Variants in ANO10 observed in about 807,000 individuals in gnomAD.
ANO10 encodes the protein anoctamin 10.
Under a neutral mutation model 74.7 loss-of-function variants are expected in ANO10, and 77 were observed. The observed-to-expected ratio is 1.03, with a 90% confidence interval of 0.86 to 1.25. The LOEUF (loss-of-function observed/expected upper bound fraction) is 1.25. Ranked by LOEUF, ANO10 falls within the 50% of genes most tolerant of loss-of-function variation. The pLI is 0.00. For synonymous variants in ANO10, 279 were observed against 284.9 expected (o/e 0.98, Z 0.21); for missense variants, 721 against 778.1 (o/e 0.93, Z 0.87).
intron 1 of ANO10, among the ~76,000 whole-genome samples, chr3:43,684,850 A>G (rs1209361490): frequency 1.3e-5 from 2 of 152,144 alleles, no homozygotes; most frequent in African/African-American, 4.8e-5. Flanking sequence ...CAAACACCGC[A>G]TGTTCTCACT....
chr3:43,558,022 T>C (rs1363536715), intron 9 of ANO10, among the ~76,000 whole-genome samples: 1 of 151,060 alleles, frequency 6.6e-6, no homozygotes, highest in African/African-American at 2.4e-5. Context: ...GAAGGATCGC[T>C]TGAGCCTGGG....
chr3:43,581,459 T>C (rs1332040207), intron 4 of ANO10, among the ~76,000 whole-genome samples: 1 of 152,224 alleles, frequency 6.6e-6, no homozygotes, highest in South Asian at 2.1e-4. Flanking sequence ...CAGTAATTAC[T>C]TAGAATGACT....
intron 1 of ANO10, among the ~76,000 whole-genome samples, chr3:43,649,730 C>T (rs1298611801): frequency 3.3e-5 from 5 of 152,178 alleles, no homozygotes; most frequent in African/African-American, 9.7e-5. Context: ...CAGGCTAAGC[C>T]GAGGTCCCGT....
chr3:43,424,232 C>T (rs1446191776), intron 12 of ANO10, among the ~76,000 whole-genome samples: 1 of 152,352 alleles, frequency 6.6e-6, no homozygotes, highest in East Asian at 1.9e-4. Context: ...AAAGTTATGA[C>T]ACTGAAAGGG....
intron 1 of ANO10, among the ~76,000 whole-genome samples, chr3:43,636,984 G>A (rs1032372437): frequency 6.6e-6 from 1 of 152,078 alleles, no homozygotes; most frequent in Non-Finnish European, 1.5e-5. Context: ...GCAAAATGAT[G>A]AGACTCTGTC....
At chr3:43,684,621 C>G (rs1223041528) in intron 1 of ANO10, among the ~76,000 whole-genome samples, 1 of 152,160 alleles carries the variant, frequency 6.6e-6, no homozygotes, top group Non-Finnish European at 1.5e-5. Flanking sequence ...GCTGTAAAGA[C>G]ACATGCACAC....
intron 1 of ANO10, among the ~76,000 whole-genome samples, chr3:43,667,132 C>T (rs1462343130): frequency 6.9e-6 from 1 of 144,086 alleles, no homozygotes; most frequent in Non-Finnish European, 1.5e-5. Context: ...GCTCTGTCAC[C>T]CAGGCTGGAG....
At chr3:43,529,057 G>A (rs2199893) in intron 11 of ANO10, among the ~76,000 whole-genome samples, 1 of 152,160 alleles carries the variant, frequency 6.6e-6, no homozygotes, top group Admixed American at 6.5e-5. Flanking sequence ...GGGCCCATGT[G>A]TATCTGTGAT....
chr3:43,597,874 C>T (rs2149474199), intron 4 of ANO10, among the ~76,000 whole-genome samples: 1 of 152,100 alleles, frequency 6.6e-6, no homozygotes, highest in East Asian at 1.9e-4. Flanking sequence ...GCCATGTTCA[C>T]ACCACTGCAC....
intron 11 of ANO10, among the ~76,000 whole-genome samples, chr3:43,446,527 TG>T (rs2093248909): frequency 6.6e-6 from 1 of 152,212 alleles, no homozygotes; most frequent in Admixed American, 6.5e-5. Context: ...TATATTTTCT[TG>T]AAGAAAATAC....
chr3:43,643,678 CTTTTCTTTTTTT>C (rs983143641), intron 1 of ANO10, among the ~76,000 whole-genome samples: 2 of 133,622 alleles, frequency 1.5e-5, no homozygotes, highest in African/African-American at 6.2e-5. Context: ...TTGTCCTCAT[CTTTTCTTTTTTT>C]TTTTTTTTTT....
At chr3:43,457,444 GCAGCAGGA>G (rs1183065573) in intron 11 of ANO10, among the ~76,000 whole-genome samples, 1 of 152,160 alleles carries the variant, frequency 6.6e-6, no homozygotes, top group East Asian at 1.9e-4. Context: ...TTTTCAGAAG[GCAGCAGGA>G]GAGAGAAGGG....
At chr3:43,486,240 C>T (rs1296868577) in intron 11 of ANO10, among the ~76,000 whole-genome samples, 2 of 152,200 alleles carry the variant, frequency 1.3e-5, no homozygotes, top group African/African-American at 4.8e-5. Context: ...GCCACTTTTG[C>T]TAGTCAAGCC....
chr3:43,492,794 C>T (rs1396566710), intron 11 of ANO10, among the ~76,000 whole-genome samples: 2 of 152,120 alleles, frequency 1.3e-5, no homozygotes, highest in African/African-American at 2.4e-5. Flanking sequence ...ACAACAGATG[C>T]TGGACAGCCT....
chr3:43,566,843 G>A (rs1218666186), intron 7 of ANO10, among the ~76,000 whole-genome samples: 2 of 152,236 alleles, frequency 1.3e-5, no homozygotes, highest in Non-Finnish European at 2.9e-5. Flanking sequence ...GAATAACTTT[G>A]ACGAGCTGAG....
At chr3:43,482,548 A>ACACCATAC (rs1040341079) in intron 11 of ANO10, among the ~76,000 whole-genome samples, 1 of 151,898 alleles carries the variant, frequency 6.6e-6, no homozygotes, top group African/African-American at 2.4e-5. Flanking sequence ...GCCCCCCAAA[A>ACACCATAC]CACCATACCC....
chr3:43,458,434 G>C (rs1402340158), intron 11 of ANO10, among the ~76,000 whole-genome samples: 1 of 152,120 alleles, frequency 6.6e-6, no homozygotes, highest in African/African-American at 2.4e-5. Flanking sequence ...TTAAATTTAA[G>C]CTGAAATAAT....
At chr3:43,386,689 C>G (rs1403932999) in intron 12 of ANO10, among the ~76,000 whole-genome samples, 2 of 88,580 alleles carry the variant, frequency 2.3e-5, no homozygotes, top group Admixed American at 1.3e-4. Context: ...GTGTGTGTGT[C>G]TCCAAATCAG....
intron 10 of ANO10, among the ~76,000 whole-genome samples, chr3:43,553,661 A>G (rs1469089095): frequency 6.6e-6 from 1 of 151,120 alleles, no homozygotes; most frequent in Non-Finnish European, 1.5e-5. Context: ...TCAGCCTCCC[A>G]AGTAGCTGGG....
Sources: gnomAD v4.1 joint callset for allele counts (sites outside exome capture counted in the v4.1 genomes callset) on GRCh38, gnomAD v4.1.1 for gene constraint, MANE v1.5 for transcripts, NCBI Gene and HGNC (gene_info 2026-07-23, HGNC 2026-07-21) for gene names.